GTF3C3: variants seen among roughly 807,000 people sequenced by gnomAD.
GTF3C3 encodes the protein general transcription factor 3C polypeptide 3.
Under a neutral mutation model 105.2 loss-of-function variants are expected in GTF3C3, and 75 were observed. That is an observed-to-expected ratio of 0.71 (90% confidence interval 0.59 to 0.86). GTF3C3 has a LOEUF of 0.86. Ranked by LOEUF, GTF3C3 falls within the 40% of genes least tolerant of loss-of-function variation. The probability of loss-of-function intolerance (pLI) is 0.00; values close to 1 mark genes in which losing one functional copy is unlikely to be tolerated. For synonymous variants in GTF3C3, 335 were observed against 370.4 expected, an observed-to-expected ratio of 0.90 and a Z score of 1.10; for missense variants, 856 against 1,076.5, an observed-to-expected ratio of 0.80 and a Z score of 2.87.
In GTF3C3 at chr2:196,764,641, G is replaced by A. The variant is rs775571964; in HGVS notation, c.2583C>T (p.Tyr861=). 6.2e-7 allele frequency: 1 copy of A among 1,611,180 alleles called. No homozygotes were observed. The highest frequency in any genetic ancestry group is 8.5e-7 in the Non-Finnish European group (1 of 1,177,372). Residue 861 remains tyrosine, a synonymous_variant, in exon 18 of 18, where the codon TAC becomes TAT. Transcript: ENST00000263956. ...DQLDLRRDIA[Y]NLSLIYQSSG... ...TGCTCTGATAGATGAGAGACAAGTTGTAGGCAATATCTCTTCGTAAGTCTA... is the reference window on the plus strand; with the variant it reads ...TGCTCTGATAGATGAGAGACAAGTTATAGGCAATATCTCTTCGTAAGTCTA...
At position 196,784,932 on chromosome 2, in the gene GTF3C3, A is replaced by G. The variant is rs763517009; in HGVS notation, c.1042-3T>C. On this transcript the variant is annotated splice_polypyrimidine_tract_variant and splice_region_variant and intron_variant, in intron 7 of 17. Coordinates refer to ENST00000263956, the MANE Select transcript of GTF3C3 (RefSeq NM_012086.5). The stretch of plus-strand genomic sequence containing the variant: ...ATTCCAGAAAAATCTGTAATTATCT[A>G]AAAGAATGGGAAAGAAGAAAGGAAA... 5 of 1,572,226 alleles carry G rather than the reference A, an allele frequency of 3.2e-6. No homozygotes were observed. The highest frequency in any genetic ancestry group is 4.4e-6 in the Non-Finnish European group (5 of 1,144,048).
intron 8 of GTF3C3, among the ~76,000 whole-genome samples, chr2:196,784,590 A>T (rs772628013): frequency 2.6e-5 from 4 of 152,020 alleles, no homozygotes; most frequent in South Asian, 2.1e-4. Flanking sequence ...TTTTTTTCCT[A>T]AAAAAAGGAA....
At chr2:196,796,536 T>C (rs535164808) in intron 2 of GTF3C3, among the ~76,000 whole-genome samples, 26 of 152,338 alleles carry the variant, frequency 1.7e-4, no homozygotes, top group African/African-American at 5.5e-4. Flanking sequence ...CAGGAGTACA[T>C]GTGCAGGATG....
At chr2:196,766,754 G>A in intron 16 of GTF3C3, 37 bp from the exon 17 acceptor site, 1 of 1,550,414 alleles carries the variant, frequency 6.4e-7, no homozygotes, top group Non-Finnish European at 8.8e-7. Flanking sequence ...ATATTTCACT[G>A]ATTTGACAAT....
At position 196,791,407 on chromosome 2, in the gene GTF3C3, T is replaced by C; in HGVS notation, c.465A>G (p.Glu155=). The part of the protein sequence containing the change: ...LPRALRGLMG[E]ANIRFARGER... ...CTCCTCGAGCAAAACGAATGTTGGC[T>C]TCACCCATGAGACCTCTCAGAGCTC... is the stretch of plus-strand genomic sequence containing the variant. The change falls in exon 4 of 18, where the codon GAA becomes GAG. Residue 155 remains glutamate (E), a synonymous_variant. Transcript: ENST00000263956. 6.2e-7 allele frequency: 1 copy of C among 1,613,970 alleles called. No individual in the cohort carries two copies. The highest frequency in any genetic ancestry group is 1.3e-5 in the African/African-American group (1 of 75,048).
intron 8 of GTF3C3, among the ~76,000 whole-genome samples, chr2:196,782,358 G>T (rs1439940294): frequency 1.3e-5 from 2 of 150,784 alleles, no homozygotes; most frequent in Non-Finnish European, 3.0e-5. Context: ...TTGTTAGAGA[G>T]TCCAAACGGA....
In GTF3C3 at chr2:196,797,844, G is replaced by A. The variant is rs529059079; in HGVS notation, c.167C>T (p.Ser56Leu). The change falls in exon 2 of 18, where the codon TCA (serine) becomes TTA (leucine). Residue 56 changes from serine to leucine, a missense_variant. This residue lies in a region of GTF3C3 where 117 missense variants were observed against 114.0 expected (regional missense o/e 1.03). Coordinates refer to ENST00000263956, the MANE Select transcript of GTF3C3 (RefSeq NM_012086.5). ...ENPDDSEVPS[S>L]SGINSTKSQD... Reference sequence around the variant, plus strand: ...GGATTTGGTAGAGTTAATTCCTGATGATGATGGAACTTCAGAGTCATCGGG... The same window carrying A: ...GGATTTGGTAGAGTTAATTCCTGATAATGATGGAACTTCAGAGTCATCGGG... The A allele has an allele frequency of 1.9e-6, 3 of 1,612,304 alleles. No individual in the cohort carries two copies. Among genetic ancestry groups the A allele is most frequent in the African/African-American group, 2.7e-5 (2 of 74,886 alleles).
At position 196,764,578 on chromosome 2, in the gene GTF3C3, G is replaced by T; in HGVS notation, c.2646C>A (p.Thr882=). 6.2e-7 allele frequency: 1 copy of T among 1,613,828 alleles called. No individual in the cohort carries two copies. Among genetic ancestry groups the T allele is most frequent in the East Asian group, 2.2e-5 (1 of 44,866 alleles). ...NTGMAQTLLY[T]YCSI ...TTGCGGTGCTTTATATAGAACAATA[G>T]GTATACAAAAGCGTTTGAGCCATTC... Residue 882 remains threonine, a synonymous_variant, in exon 18 of 18, where the codon ACC becomes ACA. Transcript: ENST00000263956.
Position 196,780,649 on chromosome 2 carries a change from A to C in GTF3C3, c.1128T>G (p.Val376=). 6.2e-7 allele frequency: 1 copy of C among 1,611,938 alleles called. No individual in the cohort carries two copies. The highest frequency in any genetic ancestry group is 8.5e-7 in the Non-Finnish European group (1 of 1,178,492). The change falls in exon 9 of 18, where the codon GTT becomes GTG. Residue 376 remains valine, a synonymous_variant. Transcript: ENST00000263956. ...TSEENKAPEN[V]TCTIPDGVPI... ...GCACGCCATCAGGTATAGTGCAGGT[A>C]ACATTCTCAGGAGCTGGAGAATACA...
rs1699452600 is a variant in GTF3C3, at chr2:196,786,373, A to G, written c.894-785T>C. On this transcript the variant is annotated intron_variant, in intron 6 of 17. Transcript: ENST00000263956. The surrounding 1 kb of genome is among the most constrained non-coding windows in gnomAD (Gnocchi z 4.2). ...ATCTCTCTCTTTTCAAACCTCCAGCAGTCTCCCAGTCCCCACTCTCAGTTG... is the reference window on the plus strand; with the variant it reads ...ATCTCTCTCTTTTCAAACCTCCAGCGGTCTCCCAGTCCCCACTCTCAGTTG... Among the ~76,000 whole-genome samples the G allele has an allele frequency of 3.9e-5, 6 of 152,174 alleles. No individual in the cohort carries two copies. Among genetic ancestry groups the G allele is most frequent in the Admixed American group, 3.9e-4 (6 of 15,270 alleles).
chr2:196,796,436 A>T (rs1222182763), intron 2 of GTF3C3, among the ~76,000 whole-genome samples: 1 of 152,230 alleles, frequency 6.6e-6, no homozygotes, highest in African/African-American at 2.4e-5. Flanking sequence ...AGGAAAAAAG[A>T]GCAGCTCCTC....
chr2:196,786,329 G>C lies in GTF3C3; in HGVS notation c.894-741C>G, dbSNP rs1336389859. ...TACTGCCAGTCTGTGGGGCAGTAAT[G>C]TCCTAGACAACTATTGACATCTCTC... On this transcript the variant is annotated intron_variant, in intron 6 of 17. Coordinates refer to ENST00000263956, the MANE Select transcript of GTF3C3 (RefSeq NM_012086.5). The surrounding 1 kb of genome is among the most constrained non-coding windows in gnomAD (Gnocchi z 4.2). 1.3e-5 allele frequency among the ~76,000 whole-genome samples: 2 copies of C among 152,122 alleles called. No individual in the cohort carries two copies. The highest frequency in any genetic ancestry group is 2.9e-5 in the Non-Finnish European group (2 of 68,006).
intron 6 of GTF3C3, among the ~76,000 whole-genome samples, chr2:196,788,400 G>A (rs543283891): frequency 2.0e-4 from 31 of 152,248 alleles, no homozygotes; most frequent in African/African-American, 6.7e-4. Flanking sequence ...GTTTTGCTGC[G>A]CAGCATACCA....
At chr2:196,768,357 T>C (rs1292424353) in intron 16 of GTF3C3, among the ~76,000 whole-genome samples, 2 of 152,190 alleles carry the variant, frequency 1.3e-5, no homozygotes, top group East Asian at 1.9e-4. Context: ...AAGAGTTCTT[T>C]TGACATTATG....
intron 16 of GTF3C3, among the ~76,000 whole-genome samples, chr2:196,769,059 T>C (rs530433774): frequency 5.9e-5 from 9 of 152,226 alleles, no homozygotes; most frequent in African/African-American, 2.2e-4. Flanking sequence ...TAGATAAGAA[T>C]ATAAAAAAGG....
chr2:196,789,178 G>A (rs752358479), intron 6 of GTF3C3, 26 bp downstream of exon 6: 5 of 1,556,380 alleles, frequency 3.2e-6, no homozygotes, highest in Middle Eastern at 1.7e-4. Flanking sequence ...ACAGGAGCAA[G>A]TAGATCTGTT....
At chr2:196,780,432 T>G in intron 9 of GTF3C3, 127 bp downstream of exon 9, 1 of 1,336,886 alleles carries the variant, frequency 7.5e-7, no homozygotes, top group Non-Finnish European at 9.7e-7. Flanking sequence ...TATTTGATGC[T>G]TATTGTTACC....
At chr2:196,774,957 TA>T (rs1699237520) in intron 13 of GTF3C3, 158 bp downstream of exon 13, 3 of 476,096 alleles carry the variant, frequency 6.3e-6, no homozygotes, top group African/African-American at 4.0e-5. Flanking sequence ...CTTTCCTTTT[TA>T]ACATCGAATG....
At chr2:196,780,009 T>G (rs1317632038) in intron 9 of GTF3C3, 2 of 153,112 alleles carry the variant, frequency 1.3e-5, no homozygotes, top group Non-Finnish European at 2.9e-5. Flanking sequence ...TATTGAAAAC[T>G]GCAACTTTCC....
Sources: allele counts gnomAD v4.1 joint callset (sites outside exome capture counted in the v4.1 genomes callset), GRCh38; gene constraint gnomAD v4.1.1; regional missense constraint gnomAD v4.1.1; non-coding constraint Gnocchi (gnomAD v3.1); transcripts MANE v1.5; gene names NCBI Gene and HGNC (gene_info 2026-07-23, HGNC 2026-07-21).